The following EPHA3 variants were observed in gnomAD, a reference collection of about 807,000 sequenced individuals.
The protein encoded by EPHA3 is ephrin type-A receptor 3.
EPHA3 carries 42 observed loss-of-function variants against 107.1 expected under a neutral mutation model. The ratio of observed to expected loss-of-function variants is 0.39; its 90% CI spans 0.31 to 0.51. EPHA3 has a LOEUF of 0.51. Among genes scored for constraint, EPHA3 ranks in the 20% least tolerant of loss-of-function variants. The pLI, the probability that EPHA3 is intolerant of heterozygous loss-of-function variation, is 0.78. For synonymous variants in EPHA3, 461 were observed against 424.8 expected, an observed-to-expected ratio of 1.09 and a Z score of -1.05; for missense variants, 1,183 against 1,211.2, an observed-to-expected ratio of 0.98 and a Z score of 0.35.
At position 89,399,375 on chromosome 3, in the gene EPHA3, A is replaced by G. The variant is rs759615049; in HGVS notation, c.1489A>G (p.Ser497Gly). Reference protein sequence around the residue: ...LRARGTNVTISSLKPDTIYVF... With the variant: ...LRARGTNVTIGSLKPDTIYVF... ...GGCAAGAGGCACAAATGTTACCATC[A>G]GTAGCCTCAAGCCTGACACTATATA... Residue 497 changes from serine to glycine, a missense_variant, in exon 7 of 17, where the codon AGT (serine) becomes GGT (glycine). Physicochemically the swap from Ser to Gly is moderately conservative, Grantham distance 56 (BLOSUM62 0). Coordinates refer to ENST00000336596, the MANE Select transcript of EPHA3 (RefSeq NM_005233.6). The G allele has an allele frequency of 3.7e-6, 6 of 1,613,996 alleles. No individual in the cohort carries two copies. The highest frequency in any genetic ancestry group is 1.7e-5 in the Admixed American group (1 of 59,992).
intron 5 of EPHA3, among the ~76,000 whole-genome samples, chr3:89,364,982 C>T (rs1708160879): frequency 6.6e-6 from 1 of 150,844 alleles, no homozygotes; most frequent in South Asian, 2.1e-4. Flanking sequence ...TGTTATGTGA[C>T]CAACACTGTG....
chr3:89,350,838 C>G (rs1292719264), intron 5 of EPHA3, among the ~76,000 whole-genome samples: 2 of 151,132 alleles, frequency 1.3e-5, no homozygotes, highest in Non-Finnish European at 3.0e-5. Context: ...TTCTAACAGA[C>G]AGGACCCTCA....
At chr3:89,377,291 C>A (rs1028108751) in intron 5 of EPHA3, among the ~76,000 whole-genome samples, 11 of 152,050 alleles carry the variant, frequency 7.2e-5, no homozygotes, top group African/African-American at 2.7e-4. Context: ...TTATATTGAA[C>A]ACAAATGTTA....
chr3:89,247,043 G>A (rs1209087927), intron 3 of EPHA3, among the ~76,000 whole-genome samples: 2 of 152,118 alleles, frequency 1.3e-5, no homozygotes, highest in Admixed American at 6.5e-5. Context: ...ACCATTCAAC[G>A]AGTACTTCTT....
chr3:89,396,003 AGCTGTTT>A, intron 6 of EPHA3, 42 bp downstream of exon 6: 1 of 1,606,590 alleles, frequency 6.2e-7, no homozygotes, highest in Non-Finnish European at 8.5e-7. Flanking sequence ...GTAGGCAAGA[AGCTGTTT>A]CCTCATGAGC....
chr3:89,193,475 C>A (rs1576219317), intron 2 of EPHA3, among the ~76,000 whole-genome samples: 1 of 151,922 alleles, frequency 6.6e-6, no homozygotes, highest in African/African-American at 2.4e-5. Flanking sequence ...TTAAAAGACA[C>A]AAAATTACAG....
intron 3 of EPHA3, among the ~76,000 whole-genome samples, chr3:89,229,897 G>A (rs1180209445): frequency 6.6e-6 from 1 of 151,948 alleles, no homozygotes; most frequent in African/African-American, 2.4e-5. Flanking sequence ...ATTCCATTGG[G>A]TGCATTTAGG....
intron 12 of EPHA3, 27 bp from the exon 13 acceptor site, chr3:89,431,123 T>G: frequency 6.2e-7 from 1 of 1,607,610 alleles, no homozygotes. Context: ...GAACGTATCT[T>G]AATTGTACAT....
At chr3:89,291,154 C>T (rs761649550) in intron 3 of EPHA3, among the ~76,000 whole-genome samples, 2 of 152,122 alleles carry the variant, frequency 1.3e-5, no homozygotes, top group Non-Finnish European at 2.9e-5. Context: ...CACTCTGTGA[C>T]CTTGAGTAAG....
At chr3:89,185,089 G>A (rs1032914774) in intron 2 of EPHA3, among the ~76,000 whole-genome samples, 8 of 151,918 alleles carry the variant, frequency 5.3e-5, no homozygotes, top group Non-Finnish European at 1.0e-4. Context: ...GTATATGACT[G>A]GGCACCTGTA....
intron 5 of EPHA3, among the ~76,000 whole-genome samples, chr3:89,379,483 C>T (rs1708460582): frequency 6.6e-6 from 1 of 152,088 alleles, no homozygotes; most frequent in South Asian, 2.1e-4. Flanking sequence ...AATTTGTTAA[C>T]ATTTTAATTG....
At chr3:89,321,655 T>C (rs2107380708) in intron 3 of EPHA3, among the ~76,000 whole-genome samples, 1 of 152,182 alleles carries the variant, frequency 6.6e-6, no homozygotes, top group East Asian at 1.9e-4. Context: ...CAGAGCCTTA[T>C]AAACCAGTGG....
rs574965608 is a variant in EPHA3, at chr3:89,269,761, C to A, written c.814+59241C>A. On this transcript the variant is annotated intron_variant, in intron 3 of 16. Coordinates refer to ENST00000336596, the MANE Select transcript of EPHA3 (RefSeq NM_005233.6). Reference sequence around the variant, plus strand: ...CAATGCTATCCCTCCCCCCTCCCCCCACCCCACAACAGTCCCCAGAGTGTG... The same window carrying A: ...CAATGCTATCCCTCCCCCCTCCCCCAACCCCACAACAGTCCCCAGAGTGTG... Among the ~76,000 whole-genome samples, 9 of 116,634 alleles carry A rather than the reference C, an allele frequency of 7.7e-5. No homozygotes were observed. In the East Asian group the frequency reaches 2.4e-3, roughly 31 times the overall value. The allele number at this position is 116,634 out of a possible 152,430, so 76.5% of individuals were successfully genotyped here.
intron 6 of EPHA3, among the ~76,000 whole-genome samples, 191 bp from the exon 7 acceptor site, chr3:89,399,127 T>TAA (rs375028505): frequency 1.3e-4 from 18 of 139,250 alleles, no homozygotes; most frequent in African/African-American, 3.9e-4. Flanking sequence ...AGACTTTGTC[T>TAA]AAAAAAAAAA....
At chr3:89,175,075 T>C (rs566082917) in intron 2 of EPHA3, among the ~76,000 whole-genome samples, 2 of 151,994 alleles carry the variant, frequency 1.3e-5, no homozygotes, top group Admixed American at 6.5e-5. Flanking sequence ...TAGCATTTTT[T>C]TTTTTTTTTT....
chr3:89,329,067 C>T (rs1707234215), intron 3 of EPHA3, among the ~76,000 whole-genome samples: 1 of 152,036 alleles, frequency 6.6e-6, no homozygotes, highest in South Asian at 2.1e-4. Flanking sequence ...ATAAAAAGGA[C>T]ACAATTATCC....
At chr3:89,158,264 G>A (rs915515434) in intron 2 of EPHA3, among the ~76,000 whole-genome samples, 12 of 152,136 alleles carry the variant, frequency 7.9e-5, no homozygotes, top group Admixed American at 2.0e-4. Context: ...TTTTAGATGC[G>A]TCTTTAAAAG....
intron 7 of EPHA3, among the ~76,000 whole-genome samples, chr3:89,404,109 T>A (rs1709011175): frequency 6.6e-6 from 1 of 152,138 alleles, no homozygotes; most frequent in Non-Finnish European, 1.5e-5. Flanking sequence ...TATTTGTTGT[T>A]TTGAAGAGTA....
intron 1 of EPHA3, among the ~76,000 whole-genome samples, chr3:89,116,265 C>CA (rs1392465820): frequency 6.6e-6 from 1 of 151,868 alleles, no homozygotes; most frequent in Non-Finnish European, 1.5e-5. Context: ...ACAATATAAC[C>CA]AGAGTGTGAT....
Sources: allele counts gnomAD v4.1 joint callset (sites outside exome capture counted in the v4.1 genomes callset), GRCh38; gene constraint gnomAD v4.1.1; transcripts MANE v1.5; gene names NCBI Gene and HGNC (gene_info 2026-07-23, HGNC 2026-07-21).